The following IGF2BP1 variants were observed in gnomAD, a reference collection of about 807,000 sequenced individuals.
The protein encoded by IGF2BP1 is insulin like growth factor 2 mRNA binding protein 1.
Under a neutral mutation model 74.9 loss-of-function variants are expected in IGF2BP1, and 11 were observed. The observed-to-expected ratio is 0.15, with a 90% CI of 0.09 to 0.24. The LOEUF (loss-of-function observed/expected upper bound fraction) is 0.24. Among genes scored for constraint, IGF2BP1 ranks in the 10% least tolerant of loss-of-function variants. The pLI is 1.00. For missense variants in IGF2BP1, 440 were observed against 757.4 expected (o/e 0.58, Z 4.92); for synonymous variants, 287 against 281.8 (o/e 1.02, Z -0.18).
In IGF2BP1 at chr17:48,997,731, C is replaced by G. The variant is rs765326564; in HGVS notation, c.-15C>G. ...GGCCTTGCCCGGGACCGCGTCCTGC[C>G]CCGAGACCGCCACCATGAACAAGCT... is the stretch of plus-strand genomic sequence containing the variant. On this transcript the variant is annotated 5_prime_UTR_variant, in exon 1 of 15. Transcript: ENST00000290341. The surrounding 1 kb of genome is among the most constrained non-coding windows in gnomAD (Gnocchi z 4.8). The G allele has an allele frequency of 1.2e-6, 2 of 1,610,708 alleles. No individual in the cohort carries two copies. The highest frequency in any genetic ancestry group is 1.7e-6 in the Non-Finnish European group (2 of 1,178,014).
chr17:49,032,613 G>T (rs1366006807), intron 5 of IGF2BP1, among the ~76,000 whole-genome samples: 7 of 152,002 alleles, frequency 4.6e-5, no homozygotes, highest in Non-Finnish European at 1.0e-4. Flanking sequence ...TTTTGCTTTG[G>T]GCTTTCTTGC....
intron 7 of IGF2BP1, 72 bp from the exon 8 acceptor site, chr17:49,041,306 G>A: frequency 6.4e-7 from 1 of 1,563,852 alleles, no homozygotes. Flanking sequence ...GGGGTGGCAT[G>A]GTGATTGAGT....
chr17:49,007,869 G>A (rs2041569173), intron 2 of IGF2BP1, among the ~76,000 whole-genome samples: 1 of 152,182 alleles, frequency 6.6e-6, no homozygotes, highest in Non-Finnish European at 1.5e-5. Flanking sequence ...ATTTGGAGAT[G>A]AAGTTCTAAA....
chr17:48,997,657 C>T lies in IGF2BP1; in HGVS notation c.-89C>T, dbSNP rs2041423588. 5.0e-6 allele frequency: 7 copies of T among 1,389,546 alleles called. No homozygotes were observed. The Admixed American group carries it at 6.3e-5, about 12-fold the overall frequency. 86.1% of individuals were successfully genotyped at this position (1,389,546 alleles called of 1,614,324 possible). On this transcript the variant is annotated 5_prime_UTR_variant, in exon 1 of 15. Coordinates refer to ENST00000290341, the MANE Select transcript of IGF2BP1 (RefSeq NM_006546.4). The surrounding 1 kb of genome is among the most constrained non-coding windows in gnomAD (Gnocchi z 4.8). ...GAAAGTTTGCGGCTCCTGCCGCCGG[C>T]CTCTCCGCCTCTTGGCCTAGGAGGC...
At position 49,046,304 on chromosome 17, in the gene IGF2BP1, A is replaced by G. The variant is rs748429862; in HGVS notation, c.1572A>G (p.Pro524=). 7 of 1,614,036 alleles carry G rather than the reference A, an allele frequency of 4.3e-6. No homozygotes were observed. Among genetic ancestry groups the G allele is most frequent in the Non-Finnish European group, 5.9e-6 (7 of 1,180,020 alleles). The change falls in exon 14 of 15, where the codon CCA becomes CCG. Residue 524 remains proline, a synonymous_variant. Coordinates refer to ENST00000290341, the MANE Select transcript of IGF2BP1 (RefSeq NM_006546.4). ...TGACGGCAGCTGAGGTGGTAGTACCAAGAGACCAGACCCCTGATGAGAACG... is the reference window on the plus strand; with the variant it reads ...TGACGGCAGCTGAGGTGGTAGTACCGAGAGACCAGACCCCTGATGAGAACG... The part of the protein sequence containing the change: ...QNLTAAEVVV[P]RDQTPDENDQ...
At chr17:49,049,133 C>A (rs1394607583) in intron 14 of IGF2BP1, among the ~76,000 whole-genome samples, 3 of 152,140 alleles carry the variant, frequency 2.0e-5, no homozygotes, top group Non-Finnish European at 2.9e-5. Context: ...CACTTAACAC[C>A]CACCACGTTT....
At chr17:49,016,957 A>T (rs952847903) in intron 2 of IGF2BP1, among the ~76,000 whole-genome samples, 2 of 143,416 alleles carry the variant, frequency 1.4e-5, no homozygotes, top group South Asian at 4.7e-4. Context: ...GAAGCGTGCC[A>T]GGTCCGCCCC....
At chr17:49,012,350 A>T (rs1470733271) in intron 2 of IGF2BP1, 3 of 152,228 alleles carry the variant, frequency 2.0e-5, no homozygotes, top group Non-Finnish European at 4.4e-5. Flanking sequence ...TGGGGTTAGA[A>T]CTTACGTGTC....
chr17:49,003,021 G>A (rs922742441), intron 2 of IGF2BP1, among the ~76,000 whole-genome samples: 5 of 152,044 alleles, frequency 3.3e-5, no homozygotes, highest in Non-Finnish European at 5.9e-5. Context: ...TTACCATAAT[G>A]GTTTCTCAGA....
intron 2 of IGF2BP1, among the ~76,000 whole-genome samples, chr17:49,001,884 T>C (rs2041491919): frequency 6.6e-6 from 1 of 152,160 alleles, no homozygotes; most frequent in Non-Finnish European, 1.5e-5. Flanking sequence ...TTGATTACTT[T>C]GAGACATGAT....
chr17:49,011,048 G>T (rs1454163513), intron 2 of IGF2BP1, among the ~76,000 whole-genome samples: 1 of 140,108 alleles, frequency 7.1e-6, no homozygotes, highest in Admixed American at 7.8e-5. Flanking sequence ...TAAGGCAGGA[G>T]AATCGCTTGA....
At chr17:48,999,057 C>A in intron 1 of IGF2BP1, 52 bp from the exon 2 acceptor site, 1 of 1,123,196 alleles carries the variant, frequency 8.9e-7, no homozygotes, top group South Asian at 1.3e-5. Flanking sequence ...CCTCTTCCCA[C>A]CCCCAACCCC....
chr17:49,006,859 C>T (rs1046392953), intron 2 of IGF2BP1, among the ~76,000 whole-genome samples: 1 of 152,192 alleles, frequency 6.6e-6, no homozygotes, highest in Non-Finnish European at 1.5e-5. Flanking sequence ...TAGATTCCCC[C>T]AGTACATTCT....
At chr17:49,025,519 TG>T in intron 2 of IGF2BP1, 98 bp from the exon 3 acceptor site, 1 of 982,428 alleles carries the variant, frequency 1.0e-6, no homozygotes, top group Non-Finnish European at 1.6e-6. Context: ...GAGCAGAAGG[TG>T]GGGAAATAGA....
intron 2 of IGF2BP1, among the ~76,000 whole-genome samples, chr17:49,011,545 A>C (rs1290062175): frequency 6.6e-6 from 1 of 152,032 alleles, no homozygotes; most frequent in Non-Finnish European, 1.5e-5. Flanking sequence ...AGGCATTTCT[A>C]TTTCCAAAGT....
intron 4 of IGF2BP1, among the ~76,000 whole-genome samples, chr17:49,026,802 G>A (rs1264490996): frequency 2.0e-5 from 3 of 151,934 alleles, no homozygotes; most frequent in Admixed American, 2.0e-4. Context: ...GGAGTGAAGT[G>A]GCGCAATCTC....
intron 1 of IGF2BP1, 142 bp downstream of exon 1, chr17:48,998,062 C>A (rs1353090540): frequency 6.5e-6 from 5 of 771,276 alleles, no homozygotes; most frequent in African/African-American, 1.8e-5. Flanking sequence ...CGACCTACCC[C>A]CTTCGATGCC....
Position 49,055,789 on chromosome 17 carries a change from T to C in IGF2BP1, c.*6345T>C, listed in dbSNP as rs1376308459. 2.5e-6 allele frequency: 1 copy of C among 397,362 alleles called. No homozygotes were observed. The highest frequency in any genetic ancestry group is 4.4e-6 in the Non-Finnish European group (1 of 225,722). The allele number at this position is 397,362 out of a possible 1,614,324, so 24.6% of individuals were successfully genotyped here. A position where few individuals can be genotyped will look rare whatever the true frequency, so the allele number is the denominator to read the frequency against. ...TACTCAGAAGAGGGAACGATGTATT[T>C]TGATGAGTGCAAATTGGGAAGAGCT... On this transcript the variant is annotated 3_prime_UTR_variant, in exon 15 of 15. Coordinates refer to ENST00000290341, the MANE Select transcript of IGF2BP1 (RefSeq NM_006546.4).
rs1286423298 is a variant in IGF2BP1 at position 49,052,168 on chromosome 17, G to A, written c.*2724G>A. ...AGAAAAACATTTAGGGATAACATCAGGCCAGTAGAATTAAGCCTCTCCACC... is the reference window on the plus strand; with the variant it reads ...AGAAAAACATTTAGGGATAACATCAAGCCAGTAGAATTAAGCCTCTCCACC... On this transcript the variant is annotated 3_prime_UTR_variant, in exon 15 of 15. Coordinates refer to ENST00000290341, the MANE Select transcript of IGF2BP1 (RefSeq NM_006546.4). 9 of 152,138 alleles carry A rather than the reference G, an allele frequency of 5.9e-5. No homozygotes were observed. The highest frequency in any genetic ancestry group is 3.3e-4 in the Admixed American group (5 of 15,274). 9.4% of individuals were successfully genotyped at this position (152,138 alleles called of 1,614,324 possible). A position where few individuals can be genotyped will look rare whatever the true frequency, so the allele number is the denominator to read the frequency against.
Sources: allele counts gnomAD v4.1 joint callset (sites outside exome capture counted in the v4.1 genomes callset), GRCh38; gene constraint gnomAD v4.1.1; non-coding constraint Gnocchi (gnomAD v3.1); transcripts MANE v1.5; gene names NCBI Gene and HGNC (gene_info 2026-07-23, HGNC 2026-07-21).